The following RGPD2 variants were observed in gnomAD, a reference collection of about 807,000 sequenced individuals.
RGPD2 encodes the protein RANBP2 like and GRIP domain containing 2, also known as RANBP2-like and GRIP domain-containing protein 2.
Under a neutral mutation model 36.0 loss-of-function variants are expected in RGPD2, and 2 were observed. That is an observed-to-expected ratio of 0.06 (90% CI 0.02 to 0.17). The LOEUF is 0.17. RGPD2 is among the 10% of genes least tolerant of loss of function. The pLI is 1.00. For synonymous variants in RGPD2, 19 were observed against 163.8 expected (o/e 0.12, Z 6.75); for missense variants, 40 against 464.3 (o/e 0.09, Z 8.40).
At chr2:87,824,596 A>C (rs1686529919) in intron 1 of RGPD2, among the ~76,000 whole-genome samples, 1 of 151,886 alleles carries the variant, frequency 6.6e-6, no homozygotes, top group Admixed American at 6.5e-5. Context: ...CACATGTTCC[A>C]AAGTTACTCA....
chr2:87,842,856 A>C, the RGPD2 span, among the ~76,000 whole-genome samples: 3 of 148,464 alleles, frequency 2.0e-5, no homozygotes, highest in Non-Finnish European at 3.0e-5. Flanking sequence ...CTGGTACCAA[A>C]ACAGAGATAT....
At chr2:87,881,044 C>T in the RGPD2 span, among the ~76,000 whole-genome samples, 82 of 152,124 alleles carry the variant, frequency 5.4e-4, no homozygotes, top group African/African-American at 1.8e-3. Flanking sequence ...AAAATAATCT[C>T]CGTTGAATAC....
chr2:87,893,449 A>G, the RGPD2 span, among the ~76,000 whole-genome samples: 85 of 147,912 alleles, frequency 5.7e-4, no homozygotes, highest in African/African-American at 1.8e-3. Context: ...TGTAGCTGAC[A>G]ATGACTTTCC....
the RGPD2 span, among the ~76,000 whole-genome samples, chr2:87,961,378 C>T: frequency 6.6e-6 from 1 of 151,900 alleles, no homozygotes; most frequent in Non-Finnish European, 1.5e-5. Context: ...TGCACTCGGC[C>T]GGGCTCTTGG....
the RGPD2 span, among the ~76,000 whole-genome samples, chr2:87,974,785 T>C: frequency 6.6e-6 from 1 of 152,248 alleles, no homozygotes; most frequent in Non-Finnish European, 1.5e-5. Flanking sequence ...TAAATCCTAC[T>C]GGTTCTAACA....
At chr2:87,911,764 A>G in the RGPD2 span, among the ~76,000 whole-genome samples, 1 of 152,106 alleles carries the variant, frequency 6.6e-6, no homozygotes, top group Non-Finnish European at 1.5e-5. Flanking sequence ...TGCTGTTAAT[A>G]AAGAAAATTA....
chr2:87,864,713 C>T, the RGPD2 span, among the ~76,000 whole-genome samples: 1 of 152,286 alleles, frequency 6.6e-6, no homozygotes, highest in Non-Finnish European at 1.5e-5. Context: ...ACTGGTTGAA[C>T]ATCTTTTCAT....
At chr2:87,961,607 C>T in the RGPD2 span, among the ~76,000 whole-genome samples, 61 of 147,040 alleles carry the variant, frequency 4.1e-4, no homozygotes, top group East Asian at 0.012. Flanking sequence ...GAGGCTGAGG[C>T]ACGAGAATCG....
chr2:87,881,368 T>A, the RGPD2 span, among the ~76,000 whole-genome samples: 1 of 152,286 alleles, frequency 6.6e-6, no homozygotes, highest in Non-Finnish European at 1.5e-5. Flanking sequence ...ACCTCCACAC[T>A]GCTCTGTCAG....
At chr2:87,921,901 G>T in the RGPD2 span, among the ~76,000 whole-genome samples, 3 of 152,020 alleles carry the variant, frequency 2.0e-5, no homozygotes, top group Admixed American at 6.5e-5. Flanking sequence ...CTTGGTGTTT[G>T]ATTGTGATTC....
chr2:87,988,541 A>ATATATATATATATATATATATT, the RGPD2 span, among the ~76,000 whole-genome samples: 1 of 54,150 alleles, frequency 1.8e-5, no homozygotes, highest in Non-Finnish European at 4.2e-5. Context: ...ATATATATAT[A>ATATATATATATATATATATATT]TTTTTTTTTT....
the RGPD2 span, among the ~76,000 whole-genome samples, chr2:87,980,323 C>CGGGCAACAAGAGCGATA: frequency 4.0e-5 from 2 of 49,836 alleles, no homozygotes; most frequent in Non-Finnish European, 4.6e-5. Context: ...TGCACTCCCT[C>CGGGCAACAAGAGCGATA]CCGGGCAACA....
chr2:87,852,401 C>G, the RGPD2 span, among the ~76,000 whole-genome samples: 1 of 150,172 alleles, frequency 6.7e-6, no homozygotes, highest in Non-Finnish European at 1.5e-5. Context: ...TCAGCCCTTT[C>G]TCTTACAGAG....
the RGPD2 span, among the ~76,000 whole-genome samples, chr2:87,954,979 C>G: frequency 3.7e-5 from 1 of 26,890 alleles, no homozygotes; most frequent in Non-Finnish European, 7.8e-5. Flanking sequence ...ATGTTCAAGA[C>G]CTTCCTGCTT....
the RGPD2 span, among the ~76,000 whole-genome samples, chr2:87,860,850 C>A: frequency 2.0e-5 from 3 of 151,774 alleles, no homozygotes. Flanking sequence ...TTCTTACCAG[C>A]CCTTAGAATT....
the RGPD2 span, among the ~76,000 whole-genome samples, chr2:87,834,375 T>G: frequency 6.6e-6 from 1 of 152,016 alleles, no homozygotes; most frequent in South Asian, 2.1e-4. Flanking sequence ...TGAAAAAATA[T>G]GCAAGGCCTC....
intron 1 of RGPD2, among the ~76,000 whole-genome samples, chr2:87,824,788 G>GCC (rs1686591624): frequency 1.4e-4 from 5 of 34,676 alleles, no homozygotes; most frequent in African/African-American, 3.1e-4. Context: ...CCGAGGCCGA[G>GCC]GCCGAGGCCG....
chr2:87,919,288 A>C, the RGPD2 span, among the ~76,000 whole-genome samples: 3 of 151,462 alleles, frequency 2.0e-5, no homozygotes, highest in African/African-American at 7.3e-5. Context: ...TCATCTCTAA[A>C]ATAGAGACAT....
the RGPD2 span, among the ~76,000 whole-genome samples, chr2:87,866,803 G>A: frequency 1.3e-5 from 2 of 152,036 alleles, no homozygotes; most frequent in Non-Finnish European, 2.9e-5. Flanking sequence ...AGGGGCCAGG[G>A]GCCTCACGTG....
Sources: gnomAD v4.1 joint callset for allele counts (sites outside exome capture counted in the v4.1 genomes callset) on GRCh38, gnomAD v4.1.1 for gene constraint, MANE v1.5 for transcripts, NCBI Gene and HGNC (gene_info 2026-07-23, HGNC 2026-07-21) for gene names.